Variants in SLC9A6 observed in about 807,000 individuals in gnomAD.
The protein encoded by SLC9A6 is solute carrier family 9 member A6.
Under a neutral mutation model 45.3 loss-of-function variants are expected in SLC9A6, and 6 were observed. The ratio of observed to expected loss-of-function variants is 0.13; its 90% CI spans 0.07 to 0.26. The LOEUF is 0.26. Among genes scored for constraint, SLC9A6 ranks in the 10% least tolerant of loss-of-function variants. SLC9A6 has a pLI of 1.00. For synonymous variants in SLC9A6, 191 were observed against 187.7 expected (o/e 1.02, Z -0.14); for missense variants, 278 against 503.7 (o/e 0.55, Z 4.29).
chrX:136,019,460 G>A (rs181437791), intron 11 of SLC9A6, among the ~76,000 whole-genome samples: 1 of 112,065 alleles, frequency 8.9e-6, no homozygotes, highest in Admixed American at 9.5e-5. Context: ...ACTTTATCTG[G>A]GTGGCTGCAT....
At chrX:136,034,572 T>C (rs1453307886) in intron 16 of SLC9A6, among the ~76,000 whole-genome samples, 1 of 112,229 alleles carries the variant, frequency 8.9e-6, no homozygotes, top group Non-Finnish European at 1.9e-5. Flanking sequence ...AAACTTGGTT[T>C]ATGTTCTATT....
At chrX:136,028,437 C>T (rs1313338514) in intron 13 of SLC9A6, among the ~76,000 whole-genome samples, 3 of 112,061 alleles carry the variant, frequency 2.7e-5, no homozygotes, top group Non-Finnish European at 5.6e-5. Context: ...GGGCAGGGGC[C>T]ATGTTTAATT....
chrX:136,020,651 G>A (rs782271457), intron 11 of SLC9A6, among the ~76,000 whole-genome samples: 2 of 112,046 alleles, frequency 1.8e-5, no homozygotes, highest in South Asian at 7.4e-4. Context: ...AATTACAGGC[G>A]TGAGCCACCA....
upstream of SLC9A6, among the ~76,000 whole-genome samples, chrX:135,982,223 G>T (rs2089288802): frequency 9.0e-6 from 1 of 110,800 alleles, no homozygotes; most frequent in Non-Finnish European, 1.9e-5. Flanking sequence ...GGAGTGCAGA[G>T]AATGCAGACA....
intron 6 of SLC9A6, among the ~76,000 whole-genome samples, chrX:136,000,228 G>C (rs1556617184): frequency 1.0e-5 from 1 of 97,034 alleles, no homozygotes; most frequent in East Asian, 3.2e-4. Flanking sequence ...CATTCTGCCT[G>C]GGCGAGAAGG....
chrX:135,978,405 A>C (rs1556613596), intron 1 of SLC9A6, among the ~76,000 whole-genome samples: 1 of 111,835 alleles, frequency 8.9e-6, no homozygotes, highest in African/African-American at 3.3e-5. Context: ...TAATCCCAGC[A>C]CTTTGAGAGG....
chrX:135,982,088 C>A (rs935911440), upstream of SLC9A6, among the ~76,000 whole-genome samples: 1 of 111,549 alleles, frequency 9.0e-6, no homozygotes, highest in Admixed American at 9.5e-5. Context: ...TTTTTCTCAG[C>A]CCTTAAAACG....
chrX:136,039,586 G>A (rs991138653), intron 16 of SLC9A6, among the ~76,000 whole-genome samples: 7 of 111,769 alleles, frequency 6.3e-5, no homozygotes, highest in African/African-American at 2.0e-4. Flanking sequence ...TACCATGCAA[G>A]AGGCCAGCTG....
At chrX:135,989,998 T>C (rs2089404463) in intron 2 of SLC9A6, among the ~76,000 whole-genome samples, 1 of 111,837 alleles carries the variant, frequency 8.9e-6, no homozygotes, top group African/African-American at 3.3e-5. Context: ...TTTTTGTTTT[T>C]GTTTTGAGAC....
chrX:135,985,829 C>T lies in SLC9A6; in HGVS notation c.169+2C>T. On this transcript the variant is annotated splice_donor_variant, in intron 2 of 17. Coordinates refer to ENST00000630721, the MANE Select transcript of SLC9A6 (RefSeq NM_001379110.1). LOFTEE classifies it low-confidence loss of function (GC_TO_GT_DONOR). ...AAACCGGCCTGGCTATGATTTATGG[C>T]AAGTTCCTCAACCCTTGTCAGCCCC... is the stretch of plus-strand genomic sequence containing the variant. The T allele has an allele frequency of 1.7e-6, 2 of 1,210,819 alleles. No individual in the cohort carries two copies. Among genetic ancestry groups the T allele is most frequent in the East Asian group, 3.0e-5 (1 of 33,814 alleles).
upstream of SLC9A6, chrX:135,984,985 G>C (rs1270042592): frequency 1.9e-5 from 2 of 107,960 alleles, no homozygotes; most frequent in Non-Finnish European, 3.8e-5. Context: ...TGTGTGTGTG[G>C]TGTTTTTTTG....
intron 6 of SLC9A6, among the ~76,000 whole-genome samples, chrX:136,000,924 G>A (rs1299193371): frequency 9.0e-6 from 1 of 111,305 alleles, no homozygotes; most frequent in Admixed American, 9.6e-5. Flanking sequence ...GTTTGAGGCT[G>A]CAGTGAACTG....
intron 16 of SLC9A6, among the ~76,000 whole-genome samples, chrX:136,033,775 C>A (rs1335534527): frequency 1.8e-5 from 2 of 111,739 alleles, no homozygotes; most frequent in African/African-American, 6.5e-5. Flanking sequence ...ATTTATTGAG[C>A]AAACTTTAAT....
intron 3 of SLC9A6, among the ~76,000 whole-genome samples, chrX:135,997,019 G>A (rs1212457253): frequency 1.8e-5 from 2 of 110,868 alleles, no homozygotes; most frequent in Non-Finnish European, 3.8e-5. Flanking sequence ...GCCCGCCTTG[G>A]CCTCCCAAAG....
chrX:135,989,360 A>G (rs2089393761), intron 2 of SLC9A6, among the ~76,000 whole-genome samples: 1 of 112,145 alleles, frequency 8.9e-6, no homozygotes, highest in African/African-American at 3.2e-5. Context: ...TTAAGTCTGA[A>G]AAGTGATCAC....
At chrX:136,004,770 G>C (rs1319470752) in intron 7 of SLC9A6, among the ~76,000 whole-genome samples, 1 of 111,900 alleles carries the variant, frequency 8.9e-6, no homozygotes, top group Non-Finnish European at 1.9e-5. Context: ...AATTTAACTT[G>C]AGAAATAAAA....
intron 16 of SLC9A6, among the ~76,000 whole-genome samples, chrX:136,038,896 C>CTAG (rs35286256): frequency 0.074 from 8,144 of 110,304 alleles, 337 homozygotes; most frequent in African/African-American, 0.16. Flanking sequence ...ACTCAAAATG[C>CTAG]TAGAATTCAT....
chrX:136,004,232 G>A (rs1186323947), intron 7 of SLC9A6, among the ~76,000 whole-genome samples: 2 of 108,645 alleles, frequency 1.8e-5, no homozygotes, highest in Non-Finnish European at 3.8e-5. Context: ...GGGACTACGG[G>A]CATGTGCCAC....
At chrX:136,040,436 A>G (rs1364300378) in intron 17 of SLC9A6, among the ~76,000 whole-genome samples, 1 of 112,206 alleles carries the variant, frequency 8.9e-6, no homozygotes, top group Non-Finnish European at 1.9e-5. Flanking sequence ...ATTTTAGTAA[A>G]TAGTTCTATT....
Sources: allele counts gnomAD v4.1 joint callset (sites outside exome capture counted in the v4.1 genomes callset), GRCh38; gene constraint gnomAD v4.1.1; transcripts MANE v1.5; gene names NCBI Gene and HGNC (gene_info 2026-07-23, HGNC 2026-07-21).